Variants in MCC observed in about 807,000 individuals in gnomAD.
MCC encodes colorectal mutant cancer protein.
MCC carries 90 observed loss-of-function variants against 116.2 expected under a neutral mutation model. The ratio of observed to expected loss-of-function variants is 0.77; its 90% CI spans 0.65 to 0.92. The LOEUF (loss-of-function observed/expected upper bound fraction) is 0.92, where lower values mean the gene tolerates loss of function less well. MCC is among the 40% of genes least tolerant of loss of function. The probability of loss-of-function intolerance (pLI) is 0.00; values close to 1 mark genes in which losing one functional copy is unlikely to be tolerated. For synonymous variants in MCC, 578 were observed against 510.5 expected (o/e 1.13, Z -1.78); for missense variants, 1,516 against 1,312.2 (o/e 1.16, Z -2.40).
At chr5:113,159,388 G>C (rs1760358385) in intron 3 of MCC, among the ~76,000 whole-genome samples, 1 of 152,178 alleles carries the variant, frequency 6.6e-6, no homozygotes, top group Admixed American at 6.5e-5. Context: ...AAAATGGAAT[G>C]AGTTTTCAGA....
intron 17 of MCC, among the ~76,000 whole-genome samples, chr5:113,029,874 C>T (rs911407035): frequency 1.3e-5 from 2 of 152,218 alleles, no homozygotes; most frequent in African/African-American, 4.8e-5. Flanking sequence ...CACCGTATTA[C>T]GTGCTGGAGC....
chr5:113,457,343 C>T, intron 1 of MCC, among the ~76,000 whole-genome samples: 1 of 152,254 alleles, frequency 6.6e-6, no homozygotes, highest in East Asian at 1.9e-4. Context: ...CCCACCGTTG[C>T]TGCTCTGGAT....
At chr5:113,481,539 C>T (rs924133145) in intron 1 of MCC, among the ~76,000 whole-genome samples, 6 of 152,002 alleles carry the variant, frequency 3.9e-5, no homozygotes, top group African/African-American at 1.5e-4. Context: ...GAGTTCGAGA[C>T]CAGCCTGGCC....
chr5:113,126,006 G>T (rs900514393), intron 5 of MCC, among the ~76,000 whole-genome samples: 2 of 152,164 alleles, frequency 1.3e-5, no homozygotes, highest in Non-Finnish European at 2.9e-5. Flanking sequence ...GATAAATGTT[G>T]AAAGTGACAC....
chr5:113,241,699 C>A (rs1561480139), intron 3 of MCC, among the ~76,000 whole-genome samples: 1 of 152,052 alleles, frequency 6.6e-6, no homozygotes, highest in Non-Finnish European at 1.5e-5. Flanking sequence ...TGACTGAAAT[C>A]AAAAAAGGTA....
Position 113,434,575 on chromosome 5 carries a change from C to T in MCC, c.171-49363G>A, listed in dbSNP as rs370311657. 28 of 1,613,562 alleles carry T rather than the reference C, an allele frequency of 1.7e-5. No homozygotes were observed. The highest frequency in any genetic ancestry group is 9.3e-5 in the African/African-American group (7 of 74,954). ...TCGCCCTGGACCGCGAGCTCCATGA[C>T]GATGTAGACCTTGCCATGTGATGTC... On this transcript the variant is annotated intron_variant, in intron 1 of 18. Coordinates refer to ENST00000408903, the MANE Select transcript of MCC (RefSeq NM_001085377.2). The surrounding 1 kb of genome is among the most constrained non-coding windows in gnomAD (Gnocchi z 4.2).
At chr5:113,488,011 A>G (rs1329366041) in intron 1 of MCC, among the ~76,000 whole-genome samples, 1 of 152,086 alleles carries the variant, frequency 6.6e-6, no homozygotes, top group Non-Finnish European at 1.5e-5. Context: ...CAACGCCTAG[A>G]CAAAGACAGC....
At chr5:113,066,657 G>A (rs1753623426) in intron 13 of MCC, among the ~76,000 whole-genome samples, 1 of 152,234 alleles carries the variant, frequency 6.6e-6, no homozygotes, top group Non-Finnish European at 1.5e-5. Flanking sequence ...GGAAACACAT[G>A]TGAGTGTTCA....
intron 5 of MCC, among the ~76,000 whole-genome samples, chr5:113,137,553 G>A (rs1430039476): frequency 6.6e-6 from 1 of 152,114 alleles, no homozygotes; most frequent in Non-Finnish European, 1.5e-5. Flanking sequence ...ACTCGATCAT[G>A]GTGAATGACC....
At chr5:113,349,325 A>C (rs1179279685) in intron 2 of MCC, among the ~76,000 whole-genome samples, 1 of 152,030 alleles carries the variant, frequency 6.6e-6, no homozygotes, top group African/African-American at 2.4e-5. Flanking sequence ...GAATTCAACA[A>C]CACATGATAA....
rs75288512 is a variant in MCC, at chr5:113,145,641, C to T, written c.742-2281G>A. ...CTTCAGCATCCCTACTGACTGATATCAACTGCCTAAAAGATGTAATCCTGG... is the reference window on the plus strand; with the variant it reads ...CTTCAGCATCCCTACTGACTGATATTAACTGCCTAAAAGATGTAATCCTGG... On this transcript the variant is annotated intron_variant, in intron 4 of 18. Transcript: ENST00000408903. 1.3e-4 allele frequency among the ~76,000 whole-genome samples: 20 copies of T among 152,184 alleles called. No homozygotes were observed. In the East Asian group the frequency reaches 3.7e-3, roughly 28 times the overall value.
At chr5:113,217,892 G>A (rs1374540854) in intron 3 of MCC, among the ~76,000 whole-genome samples, 1 of 152,140 alleles carries the variant, frequency 6.6e-6, no homozygotes, top group East Asian at 1.9e-4. Flanking sequence ...TGCACACCAC[G>A]CCTGTATGTT....
At chr5:113,368,568 TA>T (rs1289953971) in intron 2 of MCC, among the ~76,000 whole-genome samples, 1 of 152,214 alleles carries the variant, frequency 6.6e-6, no homozygotes, top group Non-Finnish European at 1.5e-5. Flanking sequence ...CTTTATTTCT[TA>T]TTTTTTCCCA....
intron 3 of MCC, among the ~76,000 whole-genome samples, chr5:113,296,504 C>T (rs1227044747): frequency 6.6e-6 from 1 of 151,984 alleles, no homozygotes; most frequent in Non-Finnish European, 1.5e-5. Flanking sequence ...ATGGCTGAGC[C>T]CAGCAGAGAT....
At chr5:113,144,902 G>A (rs1360730185) in intron 4 of MCC, among the ~76,000 whole-genome samples, 2 of 152,226 alleles carry the variant, frequency 1.3e-5, no homozygotes, top group South Asian at 2.1e-4. Flanking sequence ...AAAAATAAGC[G>A]GGAACAAAGG....
chr5:113,182,433 T>C (rs1761674107), intron 3 of MCC, among the ~76,000 whole-genome samples: 1 of 152,138 alleles, frequency 6.6e-6, no homozygotes, highest in Non-Finnish European at 1.5e-5. Context: ...GGCATTCTGT[T>C]AGGTATGGGA....
Position 113,207,460 on chromosome 5 carries a change from G to C in MCC, c.628-56038C>G, listed in dbSNP as rs7704542. Among the ~76,000 whole-genome samples, 5 of 149,022 alleles carry C rather than the reference G, an allele frequency of 3.4e-5. No homozygotes were observed. The South Asian group carries it at 6.6e-4, about 20-fold the overall frequency. ...ACACCTATCCTCCATCGTGGAGGGT[G>C]GGGGGTGGGGTGGGCGGGGGCAGTG... On this transcript the variant is annotated intron_variant, in intron 3 of 18. Coordinates refer to ENST00000408903, the MANE Select transcript of MCC (RefSeq NM_001085377.2).
Position 113,147,348 on chromosome 5 carries a change from GA to G in MCC, c.741+3960del, listed in dbSNP as rs530984435. ...GGCCTGAGAACTTGAGCCCCTGTTGGAAAAACCCTGTGCAATGTGGTGATGC... is the reference window on the plus strand; with the variant it reads ...GGCCTGAGAACTTGAGCCCCTGTTGGAAAACCCTGTGCAATGTGGTGATGC... On this transcript the variant is annotated intron_variant, in intron 4 of 18. Coordinates refer to ENST00000408903, the MANE Select transcript of MCC (RefSeq NM_001085377.2). Among the ~76,000 whole-genome samples the G allele has an allele frequency of 1.4e-3, 214 of 152,252 alleles. 1 individual carries two copies. Among genetic ancestry groups the G allele is most frequent in the Non-Finnish European group, 2.5e-3 (168 of 68,022 alleles).
chr5:113,440,560 G>A (rs1036976282), intron 1 of MCC, among the ~76,000 whole-genome samples: 3 of 150,206 alleles, frequency 2.0e-5, no homozygotes, highest in Non-Finnish European at 4.4e-5. Flanking sequence ...TTAAAGAAAA[G>A]AAAAAAATAA....
Sources: gnomAD v4.1 joint callset for allele counts (sites outside exome capture counted in the v4.1 genomes callset) on GRCh38, gnomAD v4.1.1 for gene constraint, Gnocchi (gnomAD v3.1) non-coding constraint, MANE v1.5 for transcripts, NCBI Gene and HGNC (gene_info 2026-07-23, HGNC 2026-07-21) for gene names.